The following RBM46 variants were observed in gnomAD, a reference collection of about 807,000 sequenced individuals.
The protein encoded by RBM46 is probable RNA-binding protein 46.
In RBM46, 12 loss-of-function variants were observed where a neutral mutation model predicts 43.3. That is an observed-to-expected ratio of 0.28 (90% CI 0.18 to 0.45). RBM46 has a LOEUF of 0.45. Ranked by LOEUF, RBM46 falls within the 20% of genes least tolerant of loss-of-function variation. The pLI, the probability that RBM46 is intolerant of heterozygous loss-of-function variation, is 1.00. For missense variants in RBM46, 412 were observed against 639.1 expected (o/e 0.64, Z 3.83); for synonymous variants, 205 against 207.6 (o/e 0.99, Z 0.11).
At chr4:154,796,641 C>A in intron 1 of RBM46, 101 bp from the exon 2 acceptor site, 1 of 760,510 alleles carries the variant, frequency 1.3e-6, no homozygotes. Context: ...TCAAACATGC[C>A]AGCCACAACT....
intron 4 of RBM46, among the ~76,000 whole-genome samples, chr4:154,809,113 G>A (rs1378568473): frequency 1.3e-5 from 2 of 152,086 alleles, no homozygotes; most frequent in East Asian, 3.9e-4. Context: ...ATGTATGTGT[G>A]ACTCTTCTAT....
At chr4:154,802,253 A>G (rs542439111) in intron 4 of RBM46, among the ~76,000 whole-genome samples, 1 of 152,312 alleles carries the variant, frequency 6.6e-6, no homozygotes, top group South Asian at 2.1e-4. Flanking sequence ...AGAAGGAGAA[A>G]GAGAATTCAG....
At chr4:154,782,475 T>A (rs1332889982) in intron 1 of RBM46, among the ~76,000 whole-genome samples, 1 of 152,144 alleles carries the variant, frequency 6.6e-6, no homozygotes, top group South Asian at 2.1e-4. Flanking sequence ...ATAAGGAGTT[T>A]TTTTGTTTTG....
intron 1 of RBM46, among the ~76,000 whole-genome samples, chr4:154,786,630 A>C (rs1265638616): frequency 1.8e-5 from 2 of 110,110 alleles, no homozygotes; most frequent in Non-Finnish European, 3.6e-5. Flanking sequence ...ATCTTCGGTT[A>C]AAAAAAAAAA....
At chr4:154,819,691 A>G (rs779917836) in intron 4 of RBM46, among the ~76,000 whole-genome samples, 1 of 152,110 alleles carries the variant, frequency 6.6e-6, no homozygotes, top group Non-Finnish European at 1.5e-5. Context: ...AGTTTTCTAT[A>G]GGTTATCAGA....
intron 1 of RBM46, among the ~76,000 whole-genome samples, chr4:154,795,906 C>A (rs1734328915): frequency 6.6e-6 from 1 of 152,102 alleles, no homozygotes; most frequent in Admixed American, 6.5e-5. Flanking sequence ...ATCTATAACC[C>A]CAGCACTTTG....
chr4:154,828,442 A>G lies in RBM46; in HGVS notation c.*375A>G. ...ATTAAAGCACTTGAAGACAATGGTTATAGTAGATTTGATTACCAAGGATCA... is the reference window on the plus strand; with the variant it reads ...ATTAAAGCACTTGAAGACAATGGTTGTAGTAGATTTGATTACCAAGGATCA... On this transcript the variant is annotated 3_prime_UTR_variant, in exon 5 of 5. Coordinates refer to ENST00000281722, the MANE Select transcript of RBM46 (RefSeq NM_144979.5). 1 of 209,834 alleles carries G rather than the reference A, an allele frequency of 4.8e-6. No individual in the cohort carries two copies. The highest frequency in any genetic ancestry group is 8.0e-5 in the South Asian group (1 of 12,540). The allele number at this position is 209,834 out of a possible 1,614,324, so 13.0% of individuals were successfully genotyped here.
intron 4 of RBM46, among the ~76,000 whole-genome samples, chr4:154,822,664 AAAT>A (rs1019266682): frequency 3.3e-5 from 5 of 151,778 alleles, no homozygotes; most frequent in South Asian, 4.2e-4. Context: ...TTAGAAATTG[AAAT>A]AATAATAAAA....
In RBM46 at chr4:154,827,957, T is replaced by A. The variant is rs1332803939; in HGVS notation, c.1492T>A (p.Ser498Thr). ...SGTPSVLPYT[S>T]RPYSYPGYPL... is the part of the protein sequence containing the mutation. ...GACTCCCAGCGTGCTTCCTTATACT[T>A]CAAGGCCTTATTCTTATCCAGGCTA... The change falls in exon 5 of 5, where the codon TCA becomes ACA. Residue 498 changes from serine to threonine, a missense_variant. Ser to Thr is a moderately conservative substitution (Grantham distance 58). Transcript: ENST00000281722. 1 of 1,613,772 alleles carries A rather than the reference T, an allele frequency of 6.2e-7. No homozygotes were observed. Among genetic ancestry groups the A allele is most frequent in the Non-Finnish European group, 8.5e-7 (1 of 1,179,800 alleles).
chr4:154,814,277 C>T (rs1735321253), intron 4 of RBM46, among the ~76,000 whole-genome samples: 1 of 151,954 alleles, frequency 6.6e-6, no homozygotes, highest in South Asian at 2.1e-4. Context: ...CCTTTTCTTT[C>T]CCCTAGTCTC....
rs33918255 is a variant in RBM46 at position 154,798,767 on chromosome 4, AT to A, written c.620-5del. 0.49 allele frequency: 650,069 copies of A among 1,318,080 alleles called. 160,103 individuals carry two copies. The highest frequency in any genetic ancestry group is 0.89 in the African/African-American group (58,560 of 65,530). The allele number at this position is 1,318,080 out of a possible 1,614,324, so 81.6% of individuals were successfully genotyped here. ...TTATTTTAATTCTCTTCAAATTATT[AT>A]TTTTTTTTTACAGGAACATTCCAAC... is the stretch of plus-strand genomic sequence containing the variant. On this transcript the variant is annotated splice_polypyrimidine_tract_variant and intron_variant, in intron 3 of 4. Transcript: ENST00000281722.
intron 2 of RBM46, among the ~76,000 whole-genome samples, chr4:154,797,288 C>G (rs577561956): frequency 5.9e-5 from 9 of 152,052 alleles, no homozygotes; most frequent in Non-Finnish European, 1.5e-5. Context: ...ATAGAATGTT[C>G]GACTTTTCTA....
chr4:154,826,950 C>G (rs1735995775), intron 4 of RBM46: 3 of 1,315,428 alleles, frequency 2.3e-6, no homozygotes, highest in Middle Eastern at 2.0e-4. Flanking sequence ...TTCTTTTCTT[C>G]CATTCCTAGA....
intron 4 of RBM46, among the ~76,000 whole-genome samples, chr4:154,819,320 G>C (rs1022658046): frequency 1.3e-5 from 2 of 152,098 alleles, no homozygotes; most frequent in Non-Finnish European, 2.9e-5. Context: ...GTCATTCCTT[G>C]TTAGTAGCTC....
Position 154,788,263 on chromosome 4 carries a change from T to C in RBM46, c.-12+6827T>C, listed in dbSNP as rs1733886177. Among the ~76,000 whole-genome samples the C allele has an allele frequency of 2.0e-5, 3 of 152,240 alleles. No individual in the cohort carries two copies. The South Asian group carries it at 6.2e-4, about 32-fold the overall frequency. On this transcript the variant is annotated intron_variant, in intron 1 of 4. Transcript: ENST00000281722. ...GTTTTAGTCATGAAGTCCTTGCCCA[T>C]GCCTGTGTCCTCAATGGTATTGCCT...
chr4:154,809,346 G>C (rs1444254515), intron 4 of RBM46, among the ~76,000 whole-genome samples: 1 of 151,884 alleles, frequency 6.6e-6, no homozygotes, highest in Non-Finnish European at 1.5e-5. Flanking sequence ...CATTTGAATT[G>C]ATATATTGGA....
chr4:154,822,865 C>T (rs1481274957), intron 4 of RBM46, among the ~76,000 whole-genome samples: 5 of 151,662 alleles, frequency 3.3e-5, no homozygotes, highest in African/African-American at 9.7e-5. Context: ...AACAGTTGAG[C>T]AATTTCTCAA....
intron 1 of RBM46, among the ~76,000 whole-genome samples, chr4:154,784,412 TAAG>T (rs1295347258): frequency 6.6e-6 from 1 of 152,232 alleles, no homozygotes; most frequent in African/African-American, 2.4e-5. Context: ...TGATAATTGT[TAAG>T]AAGGTTAAAA....
At chr4:154,810,928 C>T (rs1186435847) in intron 4 of RBM46, among the ~76,000 whole-genome samples, 1 of 152,162 alleles carries the variant, frequency 6.6e-6, no homozygotes, top group Non-Finnish European at 1.5e-5. Context: ...TTAGGCTTCT[C>T]ATGTTTAGTT....
Sources: allele counts gnomAD v4.1 joint callset (sites outside exome capture counted in the v4.1 genomes callset), GRCh38; gene constraint gnomAD v4.1.1; transcripts MANE v1.5; gene names NCBI Gene and HGNC (gene_info 2026-07-23, HGNC 2026-07-21).